The following PGM2L1 variants were observed in gnomAD, a reference collection of about 807,000 sequenced individuals.
The protein encoded by PGM2L1 is glucose 1,6-bisphosphate synthase.
In PGM2L1, 35 loss-of-function variants were observed where a neutral mutation model predicts 73.4. The observed-to-expected ratio is 0.48, with a 90% CI of 0.36 to 0.63. The LOEUF (loss-of-function observed/expected upper bound fraction) is 0.63, where lower values mean the gene tolerates loss of function less well. Ranked by LOEUF, PGM2L1 falls within the 30% of genes least tolerant of loss-of-function variation. The probability of loss-of-function intolerance (pLI) is 0.00; values close to 1 mark genes in which losing one functional copy is unlikely to be tolerated. For synonymous variants in PGM2L1, 225 were observed against 253.8 expected (o/e 0.89, Z 1.08); for missense variants, 570 against 742.0 (o/e 0.77, Z 2.69).
intron 2 of PGM2L1, among the ~76,000 whole-genome samples, chr11:74,372,401 G>A (rs768834214): frequency 6.6e-6 from 1 of 152,042 alleles, no homozygotes; most frequent in Non-Finnish European, 1.5e-5. Context: ...TTGCAGTCAT[G>A]GATGACAAAA....
At chr11:74,386,442 C>G (rs941781028) in intron 1 of PGM2L1, among the ~76,000 whole-genome samples, 3 of 151,004 alleles carry the variant, frequency 2.0e-5, no homozygotes, top group African/African-American at 7.3e-5. Context: ...TGCACACTCT[C>G]TGTAAGGCAA....
chr11:74,345,540 A>T lies in PGM2L1; in HGVS notation c.1147T>A (p.Tyr383Asn), dbSNP rs1862248185. 1 of 1,613,428 alleles carries T rather than the reference A, an allele frequency of 6.2e-7. No individual in the cohort carries two copies. Residue 383 changes from tyrosine to asparagine, a missense_variant, in exon 9 of 14, where the codon TAT becomes AAT. Coordinates refer to ENST00000298198, the MANE Select transcript of PGM2L1 (RefSeq NM_173582.6). The part of the protein sequence containing the change: ...KSRNADVKNV[Y>N]MLATTVSSKI... The stretch of plus-strand genomic sequence containing the variant: ...GAAGAGACTGTGGTGGCTAACATAT[A>T]AACGTTCTTCACATCAGCATTTCTT...
intron 2 of PGM2L1, among the ~76,000 whole-genome samples, chr11:74,374,062 A>AAC (rs1862816392): frequency 6.7e-6 from 1 of 148,964 alleles, no homozygotes. Context: ...CAAAAAAAAA[A>AAC]AAAAAAAAAA....
intron 1 of PGM2L1, among the ~76,000 whole-genome samples, chr11:74,380,334 G>T (rs1301587376): frequency 6.7e-6 from 1 of 148,192 alleles, no homozygotes; most frequent in Non-Finnish European, 1.5e-5. Flanking sequence ...TCTTTATTAA[G>T]TCCAAAATAT....
rs1862759701 is a variant in PGM2L1 at position 74,371,746 on chromosome 11, A to C, written c.351T>G (p.Thr117=). ...KQRGFVVGYD[T]RGQVTSSCSS... The stretch of plus-strand genomic sequence containing the variant: ...TGCAGCTGCTAGTTACTTGACCCCG[A>C]GTGTCATACCCAACCACAAAGCCTC... The change falls in exon 3 of 14, where the codon ACT becomes ACG. Residue 117 remains threonine (T), a synonymous_variant. Coordinates refer to ENST00000298198, the MANE Select transcript of PGM2L1 (RefSeq NM_173582.6). 6.2e-7 allele frequency: 1 copy of C among 1,613,832 alleles called. No homozygotes were observed. Among genetic ancestry groups the C allele is most frequent in the African/African-American group, 1.3e-5 (1 of 74,888 alleles).
chr11:74,346,874 G>C (rs1389229258), intron 7 of PGM2L1, 45 bp from the exon 8 acceptor site: 5 of 1,436,036 alleles, frequency 3.5e-6, no homozygotes, highest in Non-Finnish European at 4.9e-6. Context: ...AAGAACCTAA[G>C]TTCAATGTTA....
chr11:74,395,450 G>T (rs891099546), intron 1 of PGM2L1, among the ~76,000 whole-genome samples: 2 of 150,938 alleles, frequency 1.3e-5, no homozygotes, highest in South Asian at 2.1e-4. Context: ...GCAGTGGAAC[G>T]ATCTCAGCTC....
rs781709955 is a variant in PGM2L1 at position 74,347,264 on chromosome 11, A to G, written c.823T>C (p.Leu275=). 5.6e-6 allele frequency: 9 copies of G among 1,613,462 alleles called. No individual in the cohort carries two copies. The South Asian group carries it at 8.8e-5, about 16-fold the overall frequency. The stretch of plus-strand genomic sequence containing the variant: ...TTAAAACCAAACACTTTAAAAGCCA[A>G]CTGCACATAGTCATGTCCGACCCCA... ...FHGVGHDYVQ[L]AFKVFGFKPP... The change falls in exon 7 of 14, where the codon TTG becomes CTG. Residue 275 remains leucine, a synonymous_variant. Transcript: ENST00000298198.
intron 6 of PGM2L1, among the ~76,000 whole-genome samples, chr11:74,349,534 G>C (rs773941478): frequency 6.6e-6 from 1 of 152,058 alleles, no homozygotes; most frequent in East Asian, 1.9e-4. Context: ...GCCTCATTTA[G>C]TACATTTTCT....
At chr11:74,351,979 A>AAT (rs1565437431) in intron 5 of PGM2L1, among the ~76,000 whole-genome samples, 1 of 136,870 alleles carries the variant, frequency 7.3e-6, no homozygotes, top group African/African-American at 2.6e-5. Context: ...AAAATAAATA[A>AAT]AAATAAAAAT....
In PGM2L1 at chr11:74,374,590, AAAG is replaced by A. The variant is rs776802444; in HGVS notation, c.112-11_112-9del. ...CTCTTTTGTTTTGGGATTCTATAAA[AAAG>A]AAGTATTAAAACTTAACCAGGAATC... On this transcript the variant is annotated splice_polypyrimidine_tract_variant and intron_variant, in intron 1 of 13. Coordinates refer to ENST00000298198, the MANE Select transcript of PGM2L1 (RefSeq NM_173582.6). 6 of 1,611,950 alleles carry A rather than the reference AAAG, an allele frequency of 3.7e-6. No homozygotes were observed. In the African/African-American group the frequency reaches 5.3e-5, roughly 14 times the overall value.
intron 5 of PGM2L1, among the ~76,000 whole-genome samples, chr11:74,367,021 C>T (rs1591181778): frequency 6.6e-6 from 1 of 152,142 alleles, no homozygotes; most frequent in East Asian, 1.9e-4. Flanking sequence ...AGGATATGGG[C>T]AGAGGTAAGT....
chr11:74,342,405 G>A, intron 12 of PGM2L1, 56 bp downstream of exon 12: 1 of 1,309,014 alleles, frequency 7.6e-7, no homozygotes, highest in Non-Finnish European at 1.0e-6. Context: ...TGGACTTTTT[G>A]GTGACATGAG....
chr11:74,365,350 C>A (rs1237123995), intron 5 of PGM2L1, among the ~76,000 whole-genome samples: 4 of 150,728 alleles, frequency 2.7e-5, no homozygotes, highest in East Asian at 1.9e-4. Flanking sequence ...GCAACAAAAG[C>A]CAAAATTGAC....
intron 12 of PGM2L1, among the ~76,000 whole-genome samples, chr11:74,342,214 A>G (rs1297944407): frequency 6.6e-6 from 1 of 152,148 alleles, no homozygotes; most frequent in Non-Finnish European, 1.5e-5. Context: ...TTAAGTATTT[A>G]CAGGAGCTTC....
chr11:74,393,030 G>T (rs1268773008), intron 1 of PGM2L1, among the ~76,000 whole-genome samples: 1 of 152,158 alleles, frequency 6.6e-6, no homozygotes, highest in Non-Finnish European at 1.5e-5. Flanking sequence ...TCTTTTATGA[G>T]CTTAAGTTTC....
intron 4 of PGM2L1, 86 bp downstream of exon 4, chr11:74,370,816 T>G: frequency 8.0e-7 from 1 of 1,242,492 alleles, no homozygotes; most frequent in Non-Finnish European, 1.2e-6. Flanking sequence ...CAGAACTACA[T>G]GCACAAAAAA....
At chr11:74,355,007 T>A (rs1334924392) in intron 5 of PGM2L1, 3 of 1,261,992 alleles carry the variant, frequency 2.4e-6, no homozygotes, top group East Asian at 4.6e-5. Context: ...AAGAGATGGC[T>A]AGTGCTTCAT....
chr11:74,343,119 A>G (rs1862207849), intron 10 of PGM2L1, 105 bp from the exon 11 acceptor site: 1 of 1,412,082 alleles, frequency 7.1e-7, no homozygotes, highest in Non-Finnish European at 9.5e-7. Context: ...GCCTAGTAAT[A>G]GATGAAACTC....
Sources: allele counts gnomAD v4.1 joint callset (sites outside exome capture counted in the v4.1 genomes callset), GRCh38; gene constraint gnomAD v4.1.1; transcripts MANE v1.5; gene names NCBI Gene and HGNC (gene_info 2026-07-23, HGNC 2026-07-21).